PRUNE2: variants seen among roughly 807,000 people sequenced by gnomAD.
PRUNE2 encodes the protein protein prune homolog 2.
PRUNE2 carries 164 observed loss-of-function variants against 252.0 expected under a neutral mutation model. The ratio of observed to expected loss-of-function variants is 0.65; its 90% CI spans 0.57 to 0.74. The LOEUF is 0.74. Among genes scored for constraint, PRUNE2 ranks in the 30% least tolerant of loss-of-function variants. The probability of loss-of-function intolerance (pLI) is 0.00; values close to 1 mark genes in which losing one functional copy is unlikely to be tolerated. For synonymous variants in PRUNE2, 1,292 were observed against 1,350.2 expected (o/e 0.96, Z 0.94); for missense variants, 3,495 against 3,711.0 (o/e 0.94, Z 1.51).
chr9:76,740,448 C>CAAAAAAA (rs547815985), intron 6 of PRUNE2: 1 of 82,142 alleles, frequency 1.2e-5, no homozygotes, highest in Non-Finnish European at 2.9e-5. Flanking sequence ...AACTCCGTTT[C>CAAAAAAA]AAAAAAAAAA....
chr9:76,631,550 GTA>G (rs1837616371), intron 15 of PRUNE2, among the ~76,000 whole-genome samples: 1 of 152,162 alleles, frequency 6.6e-6, no homozygotes, highest in African/African-American at 2.4e-5. Context: ...AGATGCAATT[GTA>G]TCCTGTTATT....
Position 76,791,271 on chromosome 9 carries a change from T to C in PRUNE2, c.756+32361A>G, listed in dbSNP as rs376219393. On this transcript the variant is annotated intron_variant, in intron 6 of 18. Coordinates refer to ENST00000376718, the MANE Select transcript of PRUNE2 (RefSeq NM_015225.3). The stretch of plus-strand genomic sequence containing the variant: ...CCAATTATCATTGGTACAATAATAC[T>C]GCACCAATTATCATTGGTACAATAA... Among the ~76,000 whole-genome samples the C allele has an allele frequency of 2.3e-4, 33 of 145,204 alleles. 1 individual carries two copies. The South Asian group carries it at 7.2e-3, about 32-fold the overall frequency.
intron 6 of PRUNE2, among the ~76,000 whole-genome samples, chr9:76,774,469 T>TATTTA (rs1172601108): frequency 2.9e-5 from 4 of 140,078 alleles, no homozygotes; most frequent in Admixed American, 7.2e-5. Flanking sequence ...TTTTTTTTTT[T>TATTTA]TTTTTTTTGA....
Position 76,707,280 on chromosome 9 carries a change from T to C in PRUNE2, c.4994A>G (p.Asn1665Ser). ...CACAGTTGCAGAAATGTCATGTTCA[T>C]TTTTCTCCTGGTAGCTAGCAATTAG... is the stretch of plus-strand genomic sequence containing the variant. Reference protein sequence around the residue: ...SNLIASYQEKNEHDISATVQP... With the variant: ...SNLIASYQEKSEHDISATVQP... Residue 1665 changes from asparagine to serine, a missense_variant, in exon 8 of 19, where the codon AAT (asparagine) becomes AGT (serine). Coordinates refer to ENST00000376718, the MANE Select transcript of PRUNE2 (RefSeq NM_015225.3). The C allele has an allele frequency of 2.5e-6, 4 of 1,613,948 alleles. No individual in the cohort carries two copies. The highest frequency in any genetic ancestry group is 3.4e-6 in the Non-Finnish European group (4 of 1,179,860).
chr9:76,752,490 A>C (rs1449362450), intron 6 of PRUNE2, among the ~76,000 whole-genome samples: 1 of 152,104 alleles, frequency 6.6e-6, no homozygotes, highest in Non-Finnish European at 1.5e-5. Context: ...GCTCATGACC[A>C]CATGAGATGT....
chr9:76,772,556 G>A (rs57406161), intron 6 of PRUNE2, among the ~76,000 whole-genome samples: 8,835 of 152,074 alleles, frequency 0.058, 279 homozygotes, highest in East Asian at 0.087. Context: ...TTGTGAACAT[G>A]GTAAATTATT....
chr9:76,777,849 G>A (rs1311511542), intron 6 of PRUNE2, among the ~76,000 whole-genome samples: 1 of 152,120 alleles, frequency 6.6e-6, no homozygotes, highest in African/African-American at 2.4e-5. Context: ...TAAGTTCAGG[G>A]GGCTAACTAT....
At chr9:76,872,664 C>G (rs1233798901) in intron 1 of PRUNE2, among the ~76,000 whole-genome samples, 11 of 151,292 alleles carry the variant, frequency 7.3e-5, no homozygotes, top group Non-Finnish European at 1.0e-4. Flanking sequence ...TCAAAACTCC[C>G]TATTGGTCAG....
chr9:76,858,625 G>C (rs2060385060), intron 1 of PRUNE2, among the ~76,000 whole-genome samples: 1 of 152,080 alleles, frequency 6.6e-6, no homozygotes, highest in African/African-American at 2.4e-5. Flanking sequence ...GAAAGCAAGG[G>C]AAGGGATAGC....
chr9:76,838,550 C>A (rs942826539), intron 4 of PRUNE2, among the ~76,000 whole-genome samples: 1 of 148,482 alleles, frequency 6.7e-6, no homozygotes, highest in African/African-American at 2.5e-5. Context: ...GAGGCTGAGG[C>A]AGGAGAATTG....
At chr9:76,896,234 AAAT>A (rs1161593241) in intron 1 of PRUNE2, among the ~76,000 whole-genome samples, 8 of 152,224 alleles carry the variant, frequency 5.3e-5, no homozygotes, top group Non-Finnish European at 8.8e-5. Context: ...AGTGCACATT[AAAT>A]AATAACCTCA....
At chr9:76,636,404 G>A in intron 15 of PRUNE2, 67 bp downstream of exon 15, 1 of 828,654 alleles carries the variant, frequency 1.2e-6, no homozygotes. Flanking sequence ...CTTGTTTTTA[G>A]GACAATGAGT....
At position 76,707,270 on chromosome 9, in the gene PRUNE2, G is replaced by A; in HGVS notation, c.5004C>T (p.Asp1668=). 6.2e-7 allele frequency: 1 copy of A among 1,613,908 alleles called. No homozygotes were observed. The highest frequency in any genetic ancestry group is 8.5e-7 in the Non-Finnish European group (1 of 1,179,876). ...IASYQEKNEH[D]ISATVQPEDA... ...CCTCTGGCTGCACAGTTGCAGAAAT[G>A]TCATGTTCATTTTTCTCCTGGTAGC... The change falls in exon 8 of 19, where the codon GAC becomes GAT. Residue 1668 remains aspartate, a synonymous_variant. Coordinates refer to ENST00000376718, the MANE Select transcript of PRUNE2 (RefSeq NM_015225.3).
chr9:76,768,896 C>T (rs553408114), intron 6 of PRUNE2, among the ~76,000 whole-genome samples: 26 of 152,176 alleles, frequency 1.7e-4, no homozygotes, highest in African/African-American at 3.1e-4. Flanking sequence ...CCACCAAAAA[C>T]GCTGTACTTT....
At chr9:76,693,362 ACTC>A (rs2044995055) in intron 9 of PRUNE2, among the ~76,000 whole-genome samples, 1 of 151,334 alleles carries the variant, frequency 6.6e-6, no homozygotes, top group South Asian at 2.1e-4. Context: ...AATTGACCTA[ACTC>A]TAATGGAATG....
intron 4 of PRUNE2, among the ~76,000 whole-genome samples, chr9:76,831,129 C>CCATGTTGGCCAG (rs1403713099): frequency 1.3e-5 from 2 of 151,976 alleles, no homozygotes; most frequent in Non-Finnish European, 2.9e-5. Context: ...TGGGGTTTCA[C>CCATGTTGGCCAG]CATGTTAGCC....
intron 1 of PRUNE2, among the ~76,000 whole-genome samples, chr9:76,885,381 G>C (rs973146064): frequency 3.9e-5 from 6 of 152,276 alleles, no homozygotes; most frequent in Non-Finnish European, 8.8e-5. Context: ...CAATAAATGA[G>C]ACAAGGTGAA....
At chr9:76,769,498 TC>T (rs2052841837) in intron 6 of PRUNE2, among the ~76,000 whole-genome samples, 3 of 42,708 alleles carry the variant, frequency 7.0e-5, no homozygotes, top group African/African-American at 1.1e-4. Context: ...TCTCGGCTCG[TC>T]GTCGCAACCT....
At chr9:76,816,163 CAAA>C (rs71354684) in intron 6 of PRUNE2, among the ~76,000 whole-genome samples, 4 of 84,886 alleles carry the variant, frequency 4.7e-5, no homozygotes, top group Non-Finnish European at 2.3e-5. Context: ...ACTCCATCTC[CAAA>C]AAAAAAAAAA....
Sources: gnomAD v4.1 joint callset for allele counts (sites outside exome capture counted in the v4.1 genomes callset) on GRCh38, gnomAD v4.1.1 for gene constraint, MANE v1.5 for transcripts, NCBI Gene and HGNC (gene_info 2026-07-23, HGNC 2026-07-21) for gene names.